VIPR2: variants seen among roughly 807,000 people sequenced by gnomAD.
The protein encoded by VIPR2 is vasoactive intestinal peptide receptor 2.
Under a neutral mutation model 58.0 loss-of-function variants are expected in VIPR2, and 48 were observed. The ratio of observed to expected loss-of-function variants is 0.83; its 90% CI spans 0.66 to 1.05. The LOEUF is 1.05. VIPR2 is among the 50% of genes least tolerant of loss of function. The pLI is 0.00. For missense variants in VIPR2, 534 were observed against 558.0 expected (o/e 0.96, Z 0.43); for synonymous variants, 243 against 235.2 (o/e 1.03, Z -0.30).
chr7:159,039,270 C>T (rs1854167888), intron 6 of VIPR2, among the ~76,000 whole-genome samples: 1 of 152,092 alleles, frequency 6.6e-6, no homozygotes, highest in Non-Finnish European at 1.5e-5. Flanking sequence ...ACCAGCCTGG[C>T]CAACATAGTG....
chr7:159,143,732 A>T (rs1297173402), intron 1 of VIPR2, among the ~76,000 whole-genome samples: 1 of 152,268 alleles, frequency 6.6e-6, no homozygotes, highest in Non-Finnish European at 1.5e-5. Context: ...AAAGTGTAAA[A>T]GACATTAATA....
intron 2 of VIPR2, among the ~76,000 whole-genome samples, chr7:159,112,767 C>T (rs1796081690): frequency 1.5e-5 from 2 of 133,096 alleles, no homozygotes; most frequent in Admixed American, 7.6e-5. Flanking sequence ...GAGAAGGAGG[C>T]TCATGGCGCC....
At chr7:159,036,122 A>G in intron 7 of VIPR2, 110 bp from the exon 8 acceptor site, 1 of 1,262,112 alleles carries the variant, frequency 7.9e-7, no homozygotes. Context: ...CGGGAATATT[A>G]AGTGCAATCT....
intron 5 of VIPR2, among the ~76,000 whole-genome samples, chr7:159,055,174 T>A (rs1298258331): frequency 6.6e-6 from 1 of 152,208 alleles, no homozygotes; most frequent in Admixed American, 6.5e-5. Context: ...TGGATGAACC[T>A]CCTTGCAAAA....
Position 159,030,662 on chromosome 7 carries a change from C to G in VIPR2, c.1271G>C (p.Gly424Ala). The change falls in exon 13 of 13, where the codon GGC becomes GCC. Residue 424 changes from glycine to alanine, a missense_variant. This residue lies in a region of VIPR2 where 306 missense variants were observed against 285.8 expected (regional missense o/e 1.07). Coordinates refer to ENST00000262178, the MANE Select transcript of VIPR2 (RefSeq NM_003382.5). ...GSEGALQFHR[G>A]SRAQSFLQTE... is the part of the protein sequence containing the mutation. ...TTGCAGGAAGGACTGGGCGCGGGAG[C>G]CGCGGTGGAACTGCAGGGCGCCCTC... 1.9e-6 allele frequency: 3 copies of G among 1,561,226 alleles called. No homozygotes were observed. The highest frequency in any genetic ancestry group is 2.6e-6 in the Non-Finnish European group (3 of 1,154,302).
intron 4 of VIPR2, among the ~76,000 whole-genome samples, chr7:159,076,590 C>CT (rs1251098611): frequency 6.6e-6 from 1 of 152,186 alleles, no homozygotes; most frequent in Non-Finnish European, 1.5e-5. Flanking sequence ...TGTAAGATCT[C>CT]TGTCTATCTC....
chr7:159,100,503 G>A (rs993024463), intron 4 of VIPR2, among the ~76,000 whole-genome samples: 1 of 145,030 alleles, frequency 6.9e-6, no homozygotes, highest in African/African-American at 2.6e-5. Flanking sequence ...CACCTTATCT[G>A]CTGAACACAA....
At chr7:159,070,209 T>C (rs1263376045) in intron 4 of VIPR2, among the ~76,000 whole-genome samples, 1 of 152,134 alleles carries the variant, frequency 6.6e-6, no homozygotes, top group East Asian at 1.9e-4. Context: ...CAAAGGCATA[T>C]AAGGCAATTT....
Position 159,098,058 on chromosome 7 carries a change from C to T in VIPR2, c.357+5699G>A, listed in dbSNP as rs1041904496. ...GGCCTCTTGGAAGCCTGAGCCCTGC[C>T]GGGGCAAGCGGAATCCCCAGCCTCA... On this transcript the variant is annotated intron_variant, in intron 4 of 12. Coordinates refer to ENST00000262178, the MANE Select transcript of VIPR2 (RefSeq NM_003382.5). The surrounding 1 kb of genome is among the most constrained non-coding windows in gnomAD (Gnocchi z 5.2). Among the ~76,000 whole-genome samples, 4 of 152,214 alleles carry T rather than the reference C, an allele frequency of 2.6e-5. No homozygotes were observed. The highest frequency in any genetic ancestry group is 2.9e-5 in the Non-Finnish European group (2 of 68,046).
At chr7:159,120,694 C>T (rs2129496839) in intron 2 of VIPR2, among the ~76,000 whole-genome samples, 1 of 152,314 alleles carries the variant, frequency 6.6e-6, no homozygotes, top group Admixed American at 6.5e-5. Context: ...GGCTAGTGTG[C>T]AGCCTGGGTG....
At chr7:159,090,586 C>T (rs1312167565) in intron 4 of VIPR2, among the ~76,000 whole-genome samples, 6 of 125,386 alleles carry the variant, frequency 4.8e-5, no homozygotes, top group Non-Finnish European at 8.0e-5. Context: ...CATCACAATC[C>T]CCGGTGACCT....
chr7:159,119,082 C>A (rs2129496773), intron 2 of VIPR2, among the ~76,000 whole-genome samples: 1 of 152,318 alleles, frequency 6.6e-6, no homozygotes, highest in Non-Finnish European at 1.5e-5. Flanking sequence ...AGGGCTGAGG[C>A]CCAGCCTTGG....
At chr7:159,075,329 T>C (rs774355482) in intron 4 of VIPR2, among the ~76,000 whole-genome samples, 2 of 152,256 alleles carry the variant, frequency 1.3e-5, no homozygotes, top group Non-Finnish European at 2.9e-5. Flanking sequence ...GTGACCCAGG[T>C]AATTTACTCA....
chr7:159,047,920 ATAATT>A (rs1287158278), intron 5 of VIPR2, among the ~76,000 whole-genome samples: 1 of 152,216 alleles, frequency 6.6e-6, no homozygotes, highest in East Asian at 1.9e-4. Flanking sequence ...AAATGACAAT[ATAATT>A]TATGTTTTCT....
intron 8 of VIPR2, among the ~76,000 whole-genome samples, 195 bp from the exon 9 acceptor site, chr7:159,034,845 C>T (rs142703884): frequency 1.1e-4 from 16 of 152,236 alleles, no homozygotes; most frequent in East Asian, 3.9e-4. Flanking sequence ...AAACAATAGT[C>T]GGCTTGTGGG....
At chr7:159,144,378 G>A in intron 1 of VIPR2, 1 of 1,543,710 alleles carries the variant, frequency 6.5e-7, no homozygotes, top group Non-Finnish European at 8.7e-7. Flanking sequence ...AGCCCGCGCA[G>A]GCGCCCGCAG....
chr7:159,099,282 C>A lies in VIPR2; in HGVS notation c.357+4475G>T, dbSNP rs1383784950. 1.3e-5 allele frequency among the ~76,000 whole-genome samples: 2 copies of A among 152,168 alleles called. No homozygotes were observed. Among genetic ancestry groups the A allele is most frequent in the Non-Finnish European group, 2.9e-5 (2 of 68,038 alleles). On this transcript the variant is annotated intron_variant, in intron 4 of 12. Transcript: ENST00000262178. The surrounding 1 kb of genome is among the most constrained non-coding windows in gnomAD (Gnocchi z 4.2). ...TTAAGAAGAAAAATAGTTCTTCAGA[C>A]TAAACAGCAAAGCATCAGGGGATCA... is the stretch of plus-strand genomic sequence containing the variant.
intron 3 of VIPR2, among the ~76,000 whole-genome samples, chr7:159,106,004 C>T (rs1055989808): frequency 2.6e-5 from 4 of 152,356 alleles, no homozygotes; most frequent in Non-Finnish European, 4.4e-5. Context: ...AGAGATGAGA[C>T]GGCCAAGGCT....
chr7:159,103,610 G>C lies in VIPR2; in HGVS notation c.357+147C>G, dbSNP rs931868093. 6 of 648,474 alleles carry C rather than the reference G, an allele frequency of 9.3e-6. No individual in the cohort carries two copies. The South Asian group carries it at 1.2e-4, about 13-fold the overall frequency. 40.2% of individuals were successfully genotyped at this position (648,474 alleles called of 1,614,324 possible). On this transcript the variant is annotated intron_variant, in intron 4 of 12. Coordinates refer to ENST00000262178, the MANE Select transcript of VIPR2 (RefSeq NM_003382.5). The stretch of plus-strand genomic sequence containing the variant: ...GCAGCAGAACGGAAACAGGGACTTC[G>C]CTTAACTTGGAAAGCAGAAAGTAGC...
Sources: gnomAD v4.1 joint callset for allele counts (sites outside exome capture counted in the v4.1 genomes callset) on GRCh38, gnomAD v4.1.1 for gene constraint, gnomAD v4.1.1 regional missense constraint, Gnocchi (gnomAD v3.1) non-coding constraint, MANE v1.5 for transcripts, NCBI Gene and HGNC (gene_info 2026-07-23, HGNC 2026-07-21) for gene names.